DENND3: variants seen among roughly 807,000 people sequenced by gnomAD.
The protein encoded by DENND3 is DENN domain containing 3.
A neutral mutation model predicts 135.1 loss-of-function variants in DENND3; 88 were observed. The observed-to-expected ratio is 0.65, with a 90% CI of 0.55 to 0.78. DENND3 has a LOEUF of 0.78. DENND3 is among the 30% of genes least tolerant of loss of function. The pLI is 0.00. For synonymous variants in DENND3, 693 were observed against 712.3 expected (o/e 0.97, Z 0.43); for missense variants, 1,392 against 1,688.4 (o/e 0.82, Z 3.08).
chr8:141,129,543 T>C (rs1815680995), intron 1 of DENND3: 2 of 152,240 alleles, frequency 1.3e-5, no homozygotes, highest in South Asian at 2.1e-4. Flanking sequence ...CCAGCTTTTC[T>C]TAATTCTGTA....
At chr8:141,134,465 T>G (rs997654121) in intron 1 of DENND3, among the ~76,000 whole-genome samples, 2 of 151,626 alleles carry the variant, frequency 1.3e-5, no homozygotes, top group Non-Finnish European at 1.5e-5. Context: ...CCGGCTAATT[T>G]TTTGTATTTT....
Position 141,145,824 on chromosome 8 carries a change from TATATATATATATATATATATATATATG to T in DENND3, c.735+1566_735+1592del, listed in dbSNP as rs1304363145. Among the ~76,000 whole-genome samples, 27 of 40,366 alleles carry T rather than the reference TATATATATATATATATATATATATATG, an allele frequency of 6.7e-4. 1 individual carries two copies. Among genetic ancestry groups the T allele is most frequent in the African/African-American group, 2.0e-3 (21 of 10,334 alleles). 26.5% of individuals were successfully genotyped at this position (40,366 alleles called of 152,430 possible). On this transcript the variant is annotated intron_variant, in intron 5 of 22. Coordinates refer to ENST00000519811, the MANE Select transcript of DENND3 (RefSeq NM_001352890.3). ...AATATTATATATATATATATATATA[TATATATATATATATATATATATATATG>T]TATTTTTTTTTTTTTGAGGCGGAGT...
chr8:141,192,914 C>T, intron 22 of DENND3: 7 of 1,460,186 alleles, frequency 4.8e-6, no homozygotes, highest in Non-Finnish European at 6.4e-6. Context: ...AATGACAGAA[C>T]TTAATTTTCT....
Position 141,141,128 on chromosome 8 carries a change from C to A in DENND3, c.502-75C>A. 1 of 1,606,902 alleles carries A rather than the reference C, an allele frequency of 6.2e-7. No homozygotes were observed. Among genetic ancestry groups the A allele is most frequent in the Non-Finnish European group, 8.5e-7 (1 of 1,176,090 alleles). Reference sequence around the variant, plus strand: ...ACTCTCAGCTTGCTGTGTGCTGAAACGTGACCCAGTTGGAAACAGATACTG... The same window carrying A: ...ACTCTCAGCTTGCTGTGTGCTGAAAAGTGACCCAGTTGGAAACAGATACTG... On this transcript the variant is annotated intron_variant, in intron 3 of 22. Coordinates refer to ENST00000519811, the MANE Select transcript of DENND3 (RefSeq NM_001352890.3). The surrounding 1 kb of genome is among the most constrained non-coding windows in gnomAD (Gnocchi z 5.3).
At chr8:141,171,654 CTCA>C (rs771792495) in intron 13 of DENND3, among the ~76,000 whole-genome samples, 42 of 152,256 alleles carry the variant, frequency 2.8e-4, no homozygotes, top group Non-Finnish European at 5.9e-4. Context: ...ATCACATGGG[CTCA>C]TGAGTGTGCC....
chr8:141,186,425 C>T (rs935417080), intron 18 of DENND3, among the ~76,000 whole-genome samples: 6 of 152,234 alleles, frequency 3.9e-5, no homozygotes, highest in African/African-American at 1.4e-4. Context: ...CAAGCTTGTC[C>T]AACCTGTGGC....
intron 5 of DENND3, among the ~76,000 whole-genome samples, chr8:141,149,818 C>G (rs1264705428): frequency 6.6e-6 from 1 of 152,256 alleles, no homozygotes; most frequent in Admixed American, 6.5e-5. Flanking sequence ...TATTCAAGGA[C>G]CTGCGTCTTG....
intron 1 of DENND3, among the ~76,000 whole-genome samples, chr8:141,134,688 T>C (rs1483951621): frequency 6.6e-6 from 1 of 152,194 alleles, no homozygotes; most frequent in Non-Finnish European, 1.5e-5. Flanking sequence ...GAGATCAGAG[T>C]GTGCTTACTG....
intron 6 of DENND3, 114 bp downstream of exon 6, chr8:141,151,067 A>G: frequency 2.2e-6 from 3 of 1,356,052 alleles, no homozygotes; most frequent in Non-Finnish European, 2.9e-6. Flanking sequence ...ACCGACTGGT[A>G]TACTCGAAAT....
rs1020599000 is a variant in DENND3 at position 141,141,853 on chromosome 8, G to T, written c.623+529G>T. The T allele has an allele frequency of 5.1e-6, 1 of 196,630 alleles. No individual in the cohort carries two copies. Among genetic ancestry groups the T allele is most frequent in the Non-Finnish European group, 1.1e-5 (1 of 93,812 alleles). The allele number at this position is 196,630 out of a possible 1,614,324, so 12.2% of individuals were successfully genotyped here. On this transcript the variant is annotated intron_variant, in intron 4 of 22. Transcript: ENST00000519811. This position sits in a 1 kb window ranked among gnomAD's most constrained non-coding sequence, Gnocchi z 5.3. ...AGCCGAGGGGTTTGAGACAAGCCTA[G>T]GGAACATAGCAATACCCTGTCTCTA...
Position 141,168,015 on chromosome 8 carries a change from A to G in DENND3, c.1765A>G (p.Thr589Ala). The change falls in exon 13 of 23, where the codon ACG becomes GCG. Residue 589 changes from threonine (T) to alanine (A), a missense_variant. Thr to Ala is a moderately conservative substitution (Grantham distance 58, BLOSUM62 0). Transcript: ENST00000519811. This position sits in a 1 kb window ranked among gnomAD's most constrained non-coding sequence, Gnocchi z 6.2. ...CCTGAATGTTTTAGTTCTGAATGTC[A>G]CGCCGAAGTCCCCGTATACATTCAA... ...CRGSSAVLNV[T>A]PKSPYTFKIP... is the part of the protein sequence containing the mutation. 3 of 1,608,396 alleles carry G rather than the reference A, an allele frequency of 1.9e-6. No homozygotes were observed. The highest frequency in any genetic ancestry group is 2.6e-6 in the Non-Finnish European group (3 of 1,175,910).
At chr8:141,165,402 T>C (rs1820646802) in intron 11 of DENND3, 113 bp downstream of exon 11, 7 of 768,524 alleles carry the variant, frequency 9.1e-6, no homozygotes, top group Non-Finnish European at 1.5e-5. Context: ...ACCTTGTGCT[T>C]AGAAACTCAT....
rs28533159 is a variant in DENND3 at position 141,182,857 on chromosome 8, G to C, written c.2944+2003G>C. On this transcript the variant is annotated intron_variant, in intron 17 of 22. Coordinates refer to ENST00000519811, the MANE Select transcript of DENND3 (RefSeq NM_001352890.3). This position sits in a 1 kb window ranked among gnomAD's most constrained non-coding sequence, Gnocchi z 5.9. Reference sequence around the variant, plus strand: ...GAGGCCAGGCCACAGGTCAGCTCAGGCTCTGCCCATGGGGAGCGTGCCTCT... The same window carrying C: ...GAGGCCAGGCCACAGGTCAGCTCAGCCTCTGCCCATGGGGAGCGTGCCTCT... Among the ~76,000 whole-genome samples, 2,903 of 152,322 alleles carry C rather than the reference G, an allele frequency of 0.019. 45 individuals are homozygous for C. Among genetic ancestry groups the C allele is most frequent in the Non-Finnish European group, 0.027 (1,803 of 68,024 alleles).
intron 17 of DENND3, among the ~76,000 whole-genome samples, chr8:141,183,285 T>C (rs1195151534): frequency 6.6e-6 from 1 of 152,198 alleles, no homozygotes; most frequent in East Asian, 1.9e-4. Context: ...AGGGTCTGAC[T>C]CTGTCACCCA....
chr8:141,176,290 A>AAC (rs1569556485), intron 14 of DENND3: 1 of 212,332 alleles, frequency 4.7e-6, no homozygotes, highest in African/African-American at 2.9e-5. Context: ...AACAAAACAA[A>AAC]AAAAAAAAAA....
intron 22 of DENND3, 131 bp from the exon 23 acceptor site, chr8:141,193,902 C>T (rs1402266401): frequency 2.9e-5 from 30 of 1,037,940 alleles, no homozygotes; most frequent in Non-Finnish European, 3.8e-5. Flanking sequence ...GACCCTCAGG[C>T]GGCAGAGGCC....
chr8:141,178,341 C>T (rs1056953176), intron 16 of DENND3, 145 bp downstream of exon 16: 14 of 1,237,308 alleles, frequency 1.1e-5, no homozygotes, highest in Admixed American at 1.1e-4. Flanking sequence ...ACTCTCGAGT[C>T]GCACACCTTA....
chr8:141,176,752 T>C lies in DENND3; in HGVS notation c.2697T>C (p.Asp899=), dbSNP rs749483662. Residue 899 remains aspartate, a synonymous_variant, in exon 15 of 23, where the codon GAT becomes GAC. Coordinates refer to ENST00000519811, the MANE Select transcript of DENND3 (RefSeq NM_001352890.3). ...KEMWAGKKLA[D]DHKDPHYVQQ... ...TGTGGGCTGGGAAGAAGCTGGCCGA[T>C]GACCACAAGGTGGGAGACGCGGGTC... The C allele has an allele frequency of 4.1e-5, 66 of 1,613,798 alleles. 1 individual carries two copies. In the Middle Eastern group the frequency reaches 5.0e-4, roughly 12 times the overall value.
At chr8:141,131,251 G>A (rs975354840) in intron 1 of DENND3, among the ~76,000 whole-genome samples, 3 of 152,024 alleles carry the variant, frequency 2.0e-5, no homozygotes, top group African/African-American at 4.8e-5. Flanking sequence ...TTACTATAGA[G>A]CCCTCCCCAA....
Sources: allele counts gnomAD v4.1 joint callset (sites outside exome capture counted in the v4.1 genomes callset), GRCh38; gene constraint gnomAD v4.1.1; non-coding constraint Gnocchi (gnomAD v3.1); transcripts MANE v1.5; gene names NCBI Gene and HGNC (gene_info 2026-07-23, HGNC 2026-07-21).